The following COL25A1 variants were observed in gnomAD, a reference collection of about 807,000 sequenced individuals.
COL25A1 encodes the protein collagen alpha-1(XXV) chain.
COL25A1 carries 103 observed loss-of-function variants against 128.4 expected under a neutral mutation model. The observed-to-expected ratio is 0.80, with a 90% confidence interval of 0.68 to 0.94. COL25A1 has a LOEUF of 0.94. COL25A1 is among the 40% of genes least tolerant of loss of function. COL25A1 has a pLI of 0.00. For synonymous variants in COL25A1, 279 were observed against 277.2 expected, an observed-to-expected ratio of 1.01 and a Z score of -0.06; for missense variants, 745 against 840.0, an observed-to-expected ratio of 0.89 and a Z score of 1.40.
chr4:108,987,181 TC>T (rs1257827809), intron 6 of COL25A1, among the ~76,000 whole-genome samples: 1 of 152,166 alleles, frequency 6.6e-6, no homozygotes, highest in Non-Finnish European at 1.5e-5. Flanking sequence ...CTCCTAATTT[TC>T]CTTTTCTGCC....
chr4:109,058,523 A>G (rs554123042), intron 3 of COL25A1, among the ~76,000 whole-genome samples: 1 of 152,234 alleles, frequency 6.6e-6, no homozygotes, highest in Non-Finnish European at 1.5e-5. Flanking sequence ...AAAGATAAAA[A>G]TGTTAAACTA....
chr4:109,177,596 C>T (rs1774219275), intron 3 of COL25A1, among the ~76,000 whole-genome samples: 4 of 152,132 alleles, frequency 2.6e-5, no homozygotes, highest in African/African-American at 9.7e-5. Context: ...CTCTTCCCAG[C>T]CAAGATGAGT....
intron 3 of COL25A1, among the ~76,000 whole-genome samples, chr4:109,223,586 C>A (rs1054700929): frequency 4.6e-5 from 7 of 151,948 alleles, no homozygotes; most frequent in African/African-American, 1.7e-4. Context: ...CCCCCACCCC[C>A]ACCTTGACCC....
At chr4:109,107,659 G>A (rs1384854345) in intron 3 of COL25A1, among the ~76,000 whole-genome samples, 2 of 152,166 alleles carry the variant, frequency 1.3e-5, no homozygotes, top group East Asian at 1.9e-4. Context: ...AAAATAGACG[G>A]AGAAATTAGA....
At chr4:108,918,107 G>T in intron 13 of COL25A1, 65 bp downstream of exon 13, 1 of 992,612 alleles carries the variant, frequency 1.0e-6, no homozygotes, top group Non-Finnish European at 1.5e-6. Context: ...TTATGGACTA[G>T]AATAATTTTG....
At chr4:109,105,774 G>A (rs1463707612) in intron 3 of COL25A1, among the ~76,000 whole-genome samples, 1 of 152,136 alleles carries the variant, frequency 6.6e-6, no homozygotes, top group Non-Finnish European at 1.5e-5. Context: ...GAAACAGAAG[G>A]TAAAGATATT....
At chr4:109,026,339 CA>C (rs2125908928) in intron 5 of COL25A1, among the ~76,000 whole-genome samples, 1 of 152,136 alleles carries the variant, frequency 6.6e-6, no homozygotes, top group African/African-American at 2.4e-5. Flanking sequence ...GAGAGAATTT[CA>C]AGAAGGCAAA....
At chr4:109,250,404 A>G (rs1780571602) in intron 3 of COL25A1, among the ~76,000 whole-genome samples, 1 of 151,742 alleles carries the variant, frequency 6.6e-6, no homozygotes, top group Non-Finnish European at 1.5e-5. Flanking sequence ...ACATATGGGG[A>G]GAGAGAGAGA....
At chr4:109,138,616 A>C (rs958872444) in intron 3 of COL25A1, among the ~76,000 whole-genome samples, 24 of 152,180 alleles carry the variant, frequency 1.6e-4, no homozygotes, top group Admixed American at 1.3e-4. Flanking sequence ...GTGTAAAAGC[A>C]TTCCTATTTC....
chr4:109,222,632 A>G (rs1444972366), intron 3 of COL25A1, among the ~76,000 whole-genome samples: 4 of 152,216 alleles, frequency 2.6e-5, no homozygotes, highest in Non-Finnish European at 5.9e-5. Flanking sequence ...TAGGATTTAG[A>G]ATCCTTACTT....
chr4:109,100,886 G>C (rs1765829328), intron 3 of COL25A1, among the ~76,000 whole-genome samples: 1 of 152,156 alleles, frequency 6.6e-6, no homozygotes, highest in African/African-American at 2.4e-5. Flanking sequence ...CTTCAGAACT[G>C]AAAGGTAGAC....
At chr4:108,891,294 A>G (rs1016366012) in intron 16 of COL25A1, among the ~76,000 whole-genome samples, 1 of 152,168 alleles carries the variant, frequency 6.6e-6, no homozygotes, top group Non-Finnish European at 1.5e-5. Context: ...TGACATCTAT[A>G]ATTGCTATTC....
intron 3 of COL25A1, among the ~76,000 whole-genome samples, chr4:109,262,208 T>C (rs1781501972): frequency 6.6e-6 from 1 of 152,056 alleles, no homozygotes. Flanking sequence ...CATGAAATAA[T>C]GCAAGCTCTA....
intron 6 of COL25A1, among the ~76,000 whole-genome samples, chr4:108,988,549 C>A (rs1319973128): frequency 2.6e-5 from 4 of 152,146 alleles, no homozygotes; most frequent in Non-Finnish European, 5.9e-5. Context: ...AGGAAATGAA[C>A]AGTATTCAAT....
chr4:108,948,859 C>T (rs912515459), intron 8 of COL25A1, among the ~76,000 whole-genome samples: 14 of 152,116 alleles, frequency 9.2e-5, no homozygotes, highest in Non-Finnish European at 1.6e-4. Flanking sequence ...AATAAGAAGA[C>T]GGCAGATACA....
intron 30 of COL25A1, 26 bp from the exon 31 acceptor site, chr4:108,841,747 A>G (rs1734487366): frequency 1.3e-6 from 2 of 1,589,836 alleles, no homozygotes; most frequent in African/African-American, 2.7e-5. Flanking sequence ...AGAGCTTTTA[A>G]TTAAGAATTG....
At chr4:108,914,674 T>TTTTG (rs70949059) in intron 13 of COL25A1, among the ~76,000 whole-genome samples, 1 of 110,786 alleles carries the variant, frequency 9.0e-6, no homozygotes, top group Non-Finnish European at 1.9e-5. Flanking sequence ...TTTTTTTTTT[T>TTTTG]GAGACAGGGT....
chr4:109,049,265 A>G (rs1760763574), intron 4 of COL25A1, among the ~76,000 whole-genome samples: 1 of 152,178 alleles, frequency 6.6e-6, no homozygotes, highest in Non-Finnish European at 1.5e-5. Context: ...ACAGCATGCT[A>G]GAGTCAAACC....
At chr4:108,842,116 G>A (rs765988677) in intron 30 of COL25A1, among the ~76,000 whole-genome samples, 2 of 152,084 alleles carry the variant, frequency 1.3e-5, no homozygotes, top group African/African-American at 4.8e-5. Flanking sequence ...CCAAAGAGAA[G>A]CCCCAGACTT....
Sources: gnomAD v4.1 joint callset for allele counts (sites outside exome capture counted in the v4.1 genomes callset) on GRCh38, gnomAD v4.1.1 for gene constraint, MANE v1.5 for transcripts, NCBI Gene and HGNC (gene_info 2026-07-23, HGNC 2026-07-21) for gene names.